The following AGPAT5 variants were observed in gnomAD, a reference collection of about 807,000 sequenced individuals.
AGPAT5 encodes 1-acylglycerol-3-phosphate O-acyltransferase 5.
In AGPAT5, 46 loss-of-function variants were observed where a neutral mutation model predicts 45.6. The observed-to-expected ratio is 1.01, with a 90% CI of 0.80 to 1.29. The LOEUF (loss-of-function observed/expected upper bound fraction) is 1.29. AGPAT5 is among the 50% of genes most tolerant of loss of function. The pLI is 0.00. For missense variants in AGPAT5, 673 were observed against 450.7 expected (o/e 1.49, Z -4.47); for synonymous variants, 272 against 167.0 (o/e 1.63, Z -4.85).
chr8:6,710,913 C>G (rs1156666159), intron 1 of AGPAT5, among the ~76,000 whole-genome samples: 1 of 152,044 alleles, frequency 6.6e-6, no homozygotes, highest in East Asian at 1.9e-4. Flanking sequence ...TTAGGACACT[C>G]TTTTTTTCTT....
chr8:6,741,558 T>G lies in AGPAT5; in HGVS notation c.496-103T>G, dbSNP rs1801245809. 5.6e-6 allele frequency: 4 copies of G among 720,212 alleles called. No homozygotes were observed. In the Admixed American group the frequency reaches 8.1e-5, roughly 15 times the overall value. 44.6% of individuals were successfully genotyped at this position (720,212 alleles called of 1,614,324 possible). ...AATAAATATACATTTTCTCCTACTG[T>G]AGGAAATACTCTGTTAGCATTAGTA... On this transcript the variant is annotated intron_variant, in intron 4 of 7. Transcript: ENST00000285518.
chr8:6,739,196 C>T (rs995649127), intron 4 of AGPAT5, among the ~76,000 whole-genome samples: 1 of 152,030 alleles, frequency 6.6e-6, no homozygotes, highest in Admixed American at 6.6e-5. Flanking sequence ...ATAATGCTTG[C>T]TTTGCAGTAA....
chr8:6,730,151 A>T (rs1308454907), intron 2 of AGPAT5, among the ~76,000 whole-genome samples: 2 of 151,990 alleles, frequency 1.3e-5, no homozygotes, highest in Non-Finnish European at 2.9e-5. Context: ...TTTGTTCCAT[A>T]CACATGCTGC....
intron 5 of AGPAT5, among the ~76,000 whole-genome samples, chr8:6,743,390 T>G (rs1332715943): frequency 6.6e-6 from 1 of 152,246 alleles, no homozygotes; most frequent in African/African-American, 2.4e-5. Flanking sequence ...TTCGCTTGAC[T>G]GGCCCAAAAG....
In AGPAT5 at chr8:6,758,280, G is replaced by C. The variant is rs992227575; in HGVS notation, c.*892G>C. ...AAGTTCACAAGATTTTTAAGGTGAT[G>C]AGAGCCTGCAGACATTCTGCCTAGA... On this transcript the variant is annotated 3_prime_UTR_variant, in exon 8 of 8. Transcript: ENST00000285518. 1 of 152,656 alleles carries C rather than the reference G, an allele frequency of 6.6e-6. No individual in the cohort carries two copies. Among genetic ancestry groups the C allele is most frequent in the African/African-American group, 2.4e-5 (1 of 41,462 alleles). 9.5% of individuals were successfully genotyped at this position (152,656 alleles called of 1,614,324 possible).
At chr8:6,726,871 A>G (rs1158978230) in intron 2 of AGPAT5, among the ~76,000 whole-genome samples, 1 of 152,206 alleles carries the variant, frequency 6.6e-6, no homozygotes, top group African/African-American at 2.4e-5. Flanking sequence ...AAAATTCTGT[A>G]AGTTGAGAAA....
At position 6,760,623 on chromosome 8, in the gene AGPAT5, C is replaced by G. The variant is rs551257045; in HGVS notation, c.*3235C>G. Reference sequence around the variant, plus strand: ...TGAAATATTTTCTTGGCAGATATTCCGTATCTGGTGGAAAGCTACAATGCA... The same window carrying G: ...TGAAATATTTTCTTGGCAGATATTCGGTATCTGGTGGAAAGCTACAATGCA... On this transcript the variant is annotated 3_prime_UTR_variant, in exon 8 of 8. Coordinates refer to ENST00000285518, the MANE Select transcript of AGPAT5 (RefSeq NM_018361.5). 6.6e-6 allele frequency among the ~76,000 whole-genome samples: 1 copy of G among 152,158 alleles called. No homozygotes were observed. Among genetic ancestry groups the G allele is most frequent in the Admixed American group, 6.5e-5 (1 of 15,292 alleles).
At chr8:6,742,888 G>C (rs1169467110) in intron 5 of AGPAT5, among the ~76,000 whole-genome samples, 1 of 152,136 alleles carries the variant, frequency 6.6e-6, no homozygotes, top group Non-Finnish European at 1.5e-5. Context: ...GACTTTCATT[G>C]CTTCCTCTGT....
chr8:6,730,477 C>T lies in AGPAT5; in HGVS notation c.290-234C>T, dbSNP rs1224502317. 8.1e-5 allele frequency among the ~76,000 whole-genome samples: 4 copies of T among 49,136 alleles called. 2 individuals are homozygous for T. Among genetic ancestry groups the T allele is most frequent in the Non-Finnish European group, 1.3e-4 (4 of 31,688 alleles). The allele number at this position is 49,136 out of a possible 152,430, so 32.2% of individuals were successfully genotyped here. On this transcript the variant is annotated intron_variant, in intron 2 of 7. Transcript: ENST00000285518. ...TCCCGAGTAGCTGGGACTACAGGCG[C>T]CCGCCACCTCGCCCGGCTAATTTTT... is the stretch of plus-strand genomic sequence containing the variant.
intron 1 of AGPAT5, among the ~76,000 whole-genome samples, chr8:6,714,220 G>A (rs369136588): frequency 1.4e-4 from 21 of 152,300 alleles, no homozygotes; most frequent in African/African-American, 4.8e-4. Flanking sequence ...TTCATGTGAA[G>A]ACCTTAAATA....
In AGPAT5 at chr8:6,709,142, G is replaced by T. The variant is rs546839597; in HGVS notation, c.219+255G>T. 128 of 564,368 alleles carry T rather than the reference G, an allele frequency of 2.3e-4. 1 individual carries two copies. In the East Asian group the frequency reaches 2.8e-3, roughly 12 times the overall value. 35.0% of individuals were successfully genotyped at this position (564,368 alleles called of 1,614,324 possible). The stretch of plus-strand genomic sequence containing the variant: ...CGCCCCTTTCCCCGCCCCTCGCCTG[G>T]GTCTGATGCTGCTTAGCAAAGTGGG... On this transcript the variant is annotated intron_variant, in intron 1 of 7. Coordinates refer to ENST00000285518, the MANE Select transcript of AGPAT5 (RefSeq NM_018361.5).
intron 1 of AGPAT5, among the ~76,000 whole-genome samples, chr8:6,719,136 T>C (rs1430405667): frequency 6.6e-6 from 1 of 152,248 alleles, no homozygotes; most frequent in African/African-American, 2.4e-5. Context: ...TTTAATATGG[T>C]GAATTATATG....
chr8:6,761,307 T>C lies in AGPAT5; in HGVS notation c.*3919T>C, dbSNP rs1338076968. On this transcript the variant is annotated 3_prime_UTR_variant, in exon 8 of 8. Transcript: ENST00000285518. The stretch of plus-strand genomic sequence containing the variant: ...ATTTTATATGTGAATATGTAAGATA[T>C]GTTCTGCAATTTTATAAATGTTCAT... Among the ~76,000 whole-genome samples, 1 of 152,176 alleles carries C rather than the reference T, an allele frequency of 6.6e-6. No individual in the cohort carries two copies. The highest frequency in any genetic ancestry group is 1.5e-5 in the Non-Finnish European group (1 of 68,042).
At chr8:6,725,784 A>C (rs1800665066) in intron 2 of AGPAT5, among the ~76,000 whole-genome samples, 2 of 152,230 alleles carry the variant, frequency 1.3e-5, no homozygotes, top group African/African-American at 4.8e-5. Context: ...AGCTGGAAAC[A>C]GCCTGATCAA....
rs1261141151 is a variant in AGPAT5 at position 6,752,391 on chromosome 8, TA to T, written c.746-2659del. 2.6e-5 allele frequency among the ~76,000 whole-genome samples: 4 copies of T among 152,360 alleles called. No individual in the cohort carries two copies. In the East Asian group the frequency reaches 7.7e-4, roughly 29 times the overall value. On this transcript the variant is annotated intron_variant, in intron 6 of 7. Transcript: ENST00000285518. The stretch of plus-strand genomic sequence containing the variant: ...TAAAGATGAGATTTCTGTGTGTGTC[TA>T]TATCTCCTGTTCTTCATATTTTCTT...
rs1161720954 is a variant in AGPAT5 at position 6,757,554 on chromosome 8, G to C, written c.*166G>C. 9 of 610,272 alleles carry C rather than the reference G, an allele frequency of 1.5e-5. No homozygotes were observed. Among genetic ancestry groups the C allele is most frequent in the East Asian group, 8.4e-5 (3 of 35,664 alleles). 37.8% of individuals were successfully genotyped at this position (610,272 alleles called of 1,614,324 possible). ...ACGAAAGCTGATATGCAATGGTCTT[G>C]GGCAAACATACCTGGTTGTACAACT... is the stretch of plus-strand genomic sequence containing the variant. On this transcript the variant is annotated 3_prime_UTR_variant, in exon 8 of 8. Transcript: ENST00000285518.
At chr8:6,736,213 A>C (rs545098985) in intron 4 of AGPAT5, among the ~76,000 whole-genome samples, 1 of 152,224 alleles carries the variant, frequency 6.6e-6, no homozygotes, top group Non-Finnish European at 1.5e-5. Context: ...ATATTTGTCA[A>C]AACTAAGAAA....
At chr8:6,719,132 A>T (rs1195170108) in intron 1 of AGPAT5, among the ~76,000 whole-genome samples, 1 of 152,260 alleles carries the variant, frequency 6.6e-6, no homozygotes, top group Non-Finnish European at 1.5e-5. Context: ...AGGATTTAAT[A>T]TGGTGAATTA....
Position 6,759,589 on chromosome 8 carries a change from C to T in AGPAT5, c.*2201C>T, listed in dbSNP as rs753607549. ...TCTTTATAAGAATGCCGTCGATGTG[C>T]ATGCTTTTATGTTTTTCAGAAAAGG... On this transcript the variant is annotated 3_prime_UTR_variant, in exon 8 of 8. Transcript: ENST00000285518. The T allele has an allele frequency of 2.6e-5, 4 of 151,986 alleles. No homozygotes were observed. Among genetic ancestry groups the T allele is most frequent in the Non-Finnish European group, 5.9e-5 (4 of 68,012 alleles). 9.4% of individuals were successfully genotyped at this position (151,986 alleles called of 1,614,324 possible).
Sources: allele counts gnomAD v4.1 joint callset (sites outside exome capture counted in the v4.1 genomes callset), GRCh38; gene constraint gnomAD v4.1.1; transcripts MANE v1.5; gene names NCBI Gene and HGNC (gene_info 2026-07-23, HGNC 2026-07-21).